DIAPH3: variants seen among roughly 807,000 people sequenced by gnomAD.
The protein encoded by DIAPH3 is protein diaphanous homolog 3.
Under a neutral mutation model 144.3 loss-of-function variants are expected in DIAPH3, and 117 were observed. That is an observed-to-expected ratio of 0.81 (90% CI 0.70 to 0.95). The LOEUF is 0.95. Among genes scored for constraint, DIAPH3 ranks in the 40% least tolerant of loss-of-function variants. DIAPH3 has a pLI of 0.00. For synonymous variants in DIAPH3, 519 were observed against 488.9 expected (o/e 1.06, Z -0.81); for missense variants, 1,421 against 1,412.7 (o/e 1.01, Z -0.09).
At chr13:59,994,960 T>C (rs1227747570) in intron 9 of DIAPH3, among the ~76,000 whole-genome samples, 1 of 151,866 alleles carries the variant, frequency 6.6e-6, no homozygotes, top group Non-Finnish European at 1.5e-5. Flanking sequence ...GTTGTAGAAG[T>C]AAATTTTTGA....
chr13:59,934,718 T>C (rs562983338), intron 17 of DIAPH3, among the ~76,000 whole-genome samples: 9 of 152,186 alleles, frequency 5.9e-5, no homozygotes, highest in African/African-American at 1.9e-4. Context: ...GAATATAAGC[T>C]ACATGCTGAA....
At chr13:59,915,039 A>T (rs1193052588) in intron 19 of DIAPH3, among the ~76,000 whole-genome samples, 2 of 152,314 alleles carry the variant, frequency 1.3e-5, no homozygotes, top group Non-Finnish European at 2.9e-5. Flanking sequence ...CATTTAAAAC[A>T]TTCATGTAAT....
chr13:59,892,288 A>T (rs186189706), intron 20 of DIAPH3, among the ~76,000 whole-genome samples: 1 of 152,062 alleles, frequency 6.6e-6, no homozygotes, highest in African/African-American at 2.4e-5. Context: ...AATGAGAACA[A>T]GAAAATGTAT....
At chr13:59,718,448 T>C (rs1464463140) in intron 27 of DIAPH3, among the ~76,000 whole-genome samples, 1 of 152,170 alleles carries the variant, frequency 6.6e-6, no homozygotes, top group Admixed American at 6.5e-5. Context: ...TCATTATAAA[T>C]TATAAACACC....
chr13:59,928,775 T>C (rs1594023890), intron 17 of DIAPH3, among the ~76,000 whole-genome samples: 1 of 152,278 alleles, frequency 6.6e-6, no homozygotes, highest in South Asian at 2.1e-4. Context: ...CCAAGTGGCA[T>C]GTATATGGAT....
At chr13:60,090,606 T>G (rs1341560657) in intron 4 of DIAPH3, among the ~76,000 whole-genome samples, 1 of 152,226 alleles carries the variant, frequency 6.6e-6, no homozygotes, top group Non-Finnish European at 1.5e-5. Flanking sequence ...TGTAGAACAA[T>G]GTATCCATAA....
At chr13:59,888,568 T>C (rs918115139) in intron 20 of DIAPH3, among the ~76,000 whole-genome samples, 4 of 152,134 alleles carry the variant, frequency 2.6e-5, no homozygotes, top group African/African-American at 9.7e-5. Context: ...TTAATACATC[T>C]TAATGTATCA....
intron 17 of DIAPH3, among the ~76,000 whole-genome samples, chr13:59,947,252 T>C (rs898907685): frequency 4.6e-5 from 7 of 152,238 alleles, no homozygotes; most frequent in Admixed American, 1.3e-4. Context: ...TATGGGGTAC[T>C]GTAATGCATT....
At chr13:60,097,028 A>G (rs1056033722) in intron 3 of DIAPH3, among the ~76,000 whole-genome samples, 1 of 152,186 alleles carries the variant, frequency 6.6e-6, no homozygotes, top group Non-Finnish European at 1.5e-5. Flanking sequence ...GTTTCTCTGG[A>G]GAACTCTGAC....
chr13:59,716,959 TA>T (rs1276999529), intron 27 of DIAPH3, among the ~76,000 whole-genome samples: 1 of 151,488 alleles, frequency 6.6e-6, no homozygotes, highest in African/African-American at 2.4e-5. Context: ...AAAAAAAAAG[TA>T]GTAAGAATAA....
chr13:59,752,361 T>A (rs1382611229), intron 27 of DIAPH3, among the ~76,000 whole-genome samples: 2 of 151,494 alleles, frequency 1.3e-5, no homozygotes, highest in Non-Finnish European at 2.9e-5. Flanking sequence ...AGCAATAATG[T>A]AGTCAATTTT....
At chr13:60,101,530 T>A (rs1236753189) in intron 3 of DIAPH3, among the ~76,000 whole-genome samples, 9 of 152,140 alleles carry the variant, frequency 5.9e-5, no homozygotes, top group Admixed American at 5.9e-4. Flanking sequence ...TCTTTTTTTT[T>A]TTTTTAGCTC....
At chr13:59,935,964 G>C (rs554389748) in intron 17 of DIAPH3, among the ~76,000 whole-genome samples, 1 of 152,182 alleles carries the variant, frequency 6.6e-6, no homozygotes, top group African/African-American at 2.4e-5. Flanking sequence ...AGATAAATGC[G>C]TATTTCTCTT....
At chr13:59,916,009 T>G in intron 19 of DIAPH3, 146 bp downstream of exon 19, 2 of 686,932 alleles carry the variant, frequency 2.9e-6, no homozygotes, top group Non-Finnish European at 2.6e-6. Flanking sequence ...CTCCTGGCAA[T>G]GCAGAAGTTA....
At chr13:59,776,209 GATAT>G (rs2038405414) in intron 25 of DIAPH3, among the ~76,000 whole-genome samples, 1 of 152,140 alleles carries the variant, frequency 6.6e-6, no homozygotes, top group South Asian at 2.1e-4. Flanking sequence ...TTTATAAACA[GATAT>G]ATAAATATAA....
At chr13:59,883,302 AATC>A (rs1231557238) in intron 20 of DIAPH3, among the ~76,000 whole-genome samples, 3 of 152,170 alleles carry the variant, frequency 2.0e-5, no homozygotes, top group African/African-American at 4.8e-5. Context: ...TAAGGAAAAA[AATC>A]ATTTTTTACA....
At chr13:59,956,127 TAGAAA>T (rs547406235) in intron 17 of DIAPH3, among the ~76,000 whole-genome samples, 342 of 152,280 alleles carry the variant, frequency 2.2e-3, no homozygotes, top group African/African-American at 7.6e-3. Context: ...GATGATACAA[TAGAAA>T]AGAAAACTCA....
rs555418808 is a variant in DIAPH3 at position 59,777,960 on chromosome 13, C to T, written c.3164-3137G>A. ...ATAACTGGAGAAATTTGAATATGGA[C>T]TGGGTATCAGATAATTACATTGTAC... On this transcript the variant is annotated intron_variant, in intron 25 of 27. Coordinates refer to ENST00000400324, the MANE Select transcript of DIAPH3 (RefSeq NM_001042517.2). Among the ~76,000 whole-genome samples the T allele has an allele frequency of 4.6e-5, 7 of 152,236 alleles. No individual in the cohort carries two copies. The South Asian group carries it at 1.5e-3, about 32-fold the overall frequency.
At chr13:59,777,644 G>A (rs2139302910) in intron 25 of DIAPH3, among the ~76,000 whole-genome samples, 1 of 152,272 alleles carries the variant, frequency 6.6e-6, no homozygotes, top group South Asian at 2.1e-4. Context: ...CTGAAGTGAT[G>A]CACAACTTAA....
Sources: allele counts gnomAD v4.1 joint callset (sites outside exome capture counted in the v4.1 genomes callset), GRCh38; gene constraint gnomAD v4.1.1; transcripts MANE v1.5; gene names NCBI Gene and HGNC (gene_info 2026-07-23, HGNC 2026-07-21).